The following CCDC91 variants were observed in gnomAD, a reference collection of about 807,000 sequenced individuals.
CCDC91 encodes the protein coiled-coil domain containing 91, also known as coiled-coil domain-containing protein 91.
A neutral mutation model predicts 63.2 loss-of-function variants in CCDC91; 48 were observed. The observed-to-expected ratio is 0.76, with a 90% CI of 0.60 to 0.97. The LOEUF is 0.97. Ranked by LOEUF, CCDC91 falls within the 50% of genes least tolerant of loss-of-function variation. CCDC91 has a pLI of 0.00. For synonymous variants in CCDC91, 167 were observed against 165.8 expected, an observed-to-expected ratio of 1.01 and a Z score of -0.06; for missense variants, 500 against 494.6, an observed-to-expected ratio of 1.01 and a Z score of -0.10.
chr12:28,270,653 A>C (rs1286141228), intron 3 of CCDC91, among the ~76,000 whole-genome samples: 4 of 152,174 alleles, frequency 2.6e-5, no homozygotes, highest in African/African-American at 9.6e-5. Context: ...TCAATCCATT[A>C]GGTTCCTAAA....
intron 7 of CCDC91, among the ~76,000 whole-genome samples, chr12:28,368,663 C>G (rs751083390): frequency 2.9e-4 from 44 of 152,030 alleles, no homozygotes; most frequent in Non-Finnish European, 5.7e-4. Context: ...TTAGTTGTTA[C>G]ATGTTAATGT....
At chr12:28,393,290 G>T (rs959763766) in intron 8 of CCDC91, among the ~76,000 whole-genome samples, 7 of 151,888 alleles carry the variant, frequency 4.6e-5, no homozygotes, top group Non-Finnish European at 8.8e-5. Context: ...GATTCCTTTG[G>T]TATCTTGTCC....
chr12:28,347,541 T>C (rs1419444585), intron 6 of CCDC91, among the ~76,000 whole-genome samples: 2 of 152,176 alleles, frequency 1.3e-5, no homozygotes, highest in Non-Finnish European at 2.9e-5. Context: ...TTAGGTACAA[T>C]ACTAGTGAGC....
intron 6 of CCDC91, among the ~76,000 whole-genome samples, chr12:28,361,337 C>T (rs1472694531): frequency 6.6e-6 from 1 of 151,946 alleles, no homozygotes; most frequent in Admixed American, 6.6e-5. Flanking sequence ...CCCACTCCCC[C>T]CACCCCACAA....
intron 3 of CCDC91, among the ~76,000 whole-genome samples, chr12:28,296,443 AAAATAACTAAAATGGTAG>A (rs1379732272): frequency 6.6e-6 from 1 of 151,944 alleles, no homozygotes; most frequent in Non-Finnish European, 1.5e-5. Flanking sequence ...AAAATAATTA[AAAATAACTAAAATGGTAG>A]ACATTTTATC....
rs1053622040 is a variant in CCDC91, at chr12:28,505,655, G to A, written c.1215+21490G>A. ...ATTGCAGATTCAGATTTACCACACA[G>A]AGTCTTGACCCACAGCTATACCCCA... is the stretch of plus-strand genomic sequence containing the variant. On this transcript the variant is annotated intron_variant, in intron 12 of 12. Coordinates refer to ENST00000536442, the MANE Select transcript of CCDC91 (RefSeq NM_018318.5). 1.4e-4 allele frequency: 21 copies of A among 152,040 alleles called. 1 individual carries two copies. The highest frequency in any genetic ancestry group is 1.5e-5 in the Non-Finnish European group (1 of 67,930). The allele number at this position is 152,040 out of a possible 1,614,324, so 9.4% of individuals were successfully genotyped here.
intron 12 of CCDC91, among the ~76,000 whole-genome samples, chr12:28,504,183 G>A (rs955437873): frequency 9.9e-5 from 15 of 151,598 alleles, no homozygotes; most frequent in African/African-American, 3.6e-4. Context: ...AGTTTAAATG[G>A]AAGGGAATTT....
Position 28,307,768 on chromosome 12 carries a change from A to G in CCDC91, c.576+19A>G. 1 of 1,300,756 alleles carries G rather than the reference A, an allele frequency of 7.7e-7. No individual in the cohort carries two copies. The highest frequency in any genetic ancestry group is 1.5e-5 in the African/African-American group (1 of 67,290). The allele number at this position is 1,300,756 out of a possible 1,614,324, so 80.6% of individuals were successfully genotyped here. A position where few individuals can be genotyped will look rare whatever the true frequency, so the allele number is the denominator to read the frequency against. On this transcript the variant is annotated intron_variant, in intron 6 of 12. Coordinates refer to ENST00000536442, the MANE Select transcript of CCDC91 (RefSeq NM_018318.5). Reference sequence around the variant, plus strand: ...ACTTCAGGTAAGGCGATTGAACTTAAGATTTAAAATGTAAGCCTTTTGATG... The same window carrying G: ...ACTTCAGGTAAGGCGATTGAACTTAGGATTTAAAATGTAAGCCTTTTGATG...
intron 7 of CCDC91, among the ~76,000 whole-genome samples, chr12:28,377,358 G>A (rs1945013098): frequency 1.3e-5 from 2 of 151,708 alleles, no homozygotes; most frequent in Non-Finnish European, 3.0e-5. Context: ...TAGGAAAAGT[G>A]TTGAAACATT....
At chr12:28,401,014 A>T (rs189707987) in intron 8 of CCDC91, among the ~76,000 whole-genome samples, 1 of 152,054 alleles carries the variant, frequency 6.6e-6, no homozygotes, top group African/African-American at 2.4e-5. Context: ...ACATTTTCCT[A>T]TCTTCCTCTG....
At chr12:28,536,615 A>G (rs1942198530) in intron 12 of CCDC91, among the ~76,000 whole-genome samples, 1 of 152,176 alleles carries the variant, frequency 6.6e-6, no homozygotes, top group Non-Finnish European at 1.5e-5. Context: ...ATGGAGATAA[A>G]ATACTGCCTA....
chr12:28,230,414 AT>A (rs1944513982), intron 1 of CCDC91, among the ~76,000 whole-genome samples: 1 of 152,144 alleles, frequency 6.6e-6, no homozygotes, highest in South Asian at 2.1e-4. Flanking sequence ...AAATAGTGGT[AT>A]TTACTAGTAG....
At chr12:28,495,681 T>G (rs1403661761) in intron 12 of CCDC91, among the ~76,000 whole-genome samples, 7 of 151,694 alleles carry the variant, frequency 4.6e-5, no homozygotes, top group Non-Finnish European at 7.4e-5. Context: ...ATTGAGAATT[T>G]AGCATCGTGA....
intron 11 of CCDC91, among the ~76,000 whole-genome samples, chr12:28,474,818 T>C (rs1396262769): frequency 6.6e-6 from 1 of 151,420 alleles, no homozygotes; most frequent in Non-Finnish European, 1.5e-5. Context: ...TATAACAAAC[T>C]GTCTCTCAGA....
chr12:28,540,190 A>G (rs1942523776), intron 12 of CCDC91, among the ~76,000 whole-genome samples: 2 of 152,134 alleles, frequency 1.3e-5, no homozygotes, highest in Non-Finnish European at 2.9e-5. Context: ...CCTAGAAAGT[A>G]GTAAGTAGTC....
chr12:28,492,941 C>T (rs1952088030), intron 12 of CCDC91, among the ~76,000 whole-genome samples: 2 of 151,490 alleles, frequency 1.3e-5, no homozygotes, highest in East Asian at 3.9e-4. Flanking sequence ...AATATAGGCT[C>T]CCAGAAAACA....
chr12:28,330,957 A>G (rs1194677376), intron 6 of CCDC91, among the ~76,000 whole-genome samples: 1 of 152,212 alleles, frequency 6.6e-6, no homozygotes, highest in Non-Finnish European at 1.5e-5. Flanking sequence ...TGTCATCACA[A>G]GTAAGGATAA....
chr12:28,394,444 C>T lies in CCDC91; in HGVS notation c.762+3033C>T, dbSNP rs373822653. Among the ~76,000 whole-genome samples, 556 of 150,284 alleles carry T rather than the reference C, an allele frequency of 3.7e-3. 6 individuals are homozygous for T. Among genetic ancestry groups the T allele is most frequent in the African/African-American group, 0.013 (535 of 40,692 alleles). On this transcript the variant is annotated intron_variant, in intron 8 of 12. Coordinates refer to ENST00000536442, the MANE Select transcript of CCDC91 (RefSeq NM_018318.5). ...TCATGCCACTGCACTCCAGCCTGGG[C>T]GACAGAGAGTCTGTCTCAAAAAAAC...
chr12:28,410,162 T>A (rs1265091461), intron 8 of CCDC91, among the ~76,000 whole-genome samples: 1 of 152,218 alleles, frequency 6.6e-6, no homozygotes, highest in Non-Finnish European at 1.5e-5. Context: ...TGACTAGTTC[T>A]CCTTGCTGCT....
Sources: allele counts gnomAD v4.1 joint callset (sites outside exome capture counted in the v4.1 genomes callset), GRCh38; gene constraint gnomAD v4.1.1; transcripts MANE v1.5; gene names NCBI Gene and HGNC (gene_info 2026-07-23, HGNC 2026-07-21).